EMC1: variants seen among roughly 807,000 people sequenced by gnomAD.
EMC1 encodes ER membrane protein complex subunit 1.
In EMC1, 103 loss-of-function variants were observed where a neutral mutation model predicts 128.8. The ratio of observed to expected loss-of-function variants is 0.80; its 90% confidence interval spans 0.68 to 0.94. The LOEUF (loss-of-function observed/expected upper bound fraction) is 0.94, where lower values mean the gene tolerates loss of function less well. EMC1 is among the 40% of genes least tolerant of loss of function. The pLI is 0.00. For missense variants in EMC1, 1,083 were observed against 1,250.6 expected, an observed-to-expected ratio of 0.87 and a Z score of 2.02; for synonymous variants, 442 against 490.4, an observed-to-expected ratio of 0.90 and a Z score of 1.30.
intron 20 of EMC1, chr1:19,221,635 C>CAAAAAA (rs34802728): frequency 1.5e-5 from 1 of 66,216 alleles, no homozygotes; most frequent in Admixed American, 1.8e-4. Context: ...GACTCTGTCT[C>CAAAAAA]AAAAAAAAAA....
intron 20 of EMC1, 114 bp downstream of exon 20, chr1:19,222,510 C>A: frequency 2.2e-6 from 2 of 916,298 alleles, no homozygotes; most frequent in East Asian, 2.6e-5. Flanking sequence ...TCCTCACCAC[C>A]TTTCCCTTAC....
At position 19,243,612 on chromosome 1, in the gene EMC1, AC is replaced by A. The variant is rs2151962465; in HGVS notation, c.380+1del. On this transcript the variant is annotated splice_donor_variant, in intron 4 of 22. Coordinates refer to ENST00000477853, the MANE Select transcript of EMC1 (RefSeq NM_015047.3). LOFTEE classifies it high-confidence loss of function. ...CAAGATAAAATCCAGTTTCTCCCCTACCTGCCACTGTCCAGGGTTATCTCCC... is the reference window on the plus strand; with the variant it reads ...CAAGATAAAATCCAGTTTCTCCCCTACTGCCACTGTCCAGGGTTATCTCCC... 1 of 1,611,810 alleles carries A rather than the reference AC, an allele frequency of 6.2e-7. No homozygotes were observed. Among genetic ancestry groups the A allele is most frequent in the Non-Finnish European group, 8.5e-7 (1 of 1,178,846 alleles).
intron 2 of EMC1, 109 bp downstream of exon 2, chr1:19,244,797 C>T: frequency 7.9e-7 from 1 of 1,260,094 alleles, no homozygotes; most frequent in Non-Finnish European, 1.1e-6. Flanking sequence ...CTAGGAGAGG[C>T]ATCTTTTGGC....
intron 17 of EMC1, chr1:19,229,344 T>C (rs1394129052): frequency 2.0e-5 from 3 of 152,200 alleles, no homozygotes; most frequent in Non-Finnish European, 2.9e-5. Flanking sequence ...TTTGAAAACA[T>C]AAGAACTCAC....
Position 19,219,071 on chromosome 1 carries a change from G to A in EMC1, c.*232C>T. On this transcript the variant is annotated 3_prime_UTR_variant, in exon 23 of 23. Coordinates refer to ENST00000477853, the MANE Select transcript of EMC1 (RefSeq NM_015047.3). The stretch of plus-strand genomic sequence containing the variant: ...TTGGACTTCAAGAGAAAGCCCATCA[G>A]GAATCTCTGAGAGTGTCAGCTGAGA... 1 of 483,664 alleles carries A rather than the reference G, an allele frequency of 2.1e-6. No homozygotes were observed. Among genetic ancestry groups the A allele is most frequent in the African/African-American group, 1.9e-5 (1 of 52,054 alleles). 30.0% of individuals were successfully genotyped at this position (483,664 alleles called of 1,614,324 possible). A position where few individuals can be genotyped will look rare whatever the true frequency, so the allele number is the denominator to read the frequency against.
chr1:19,229,854 A>C (rs763178873), intron 17 of EMC1, among the ~76,000 whole-genome samples: 1 of 152,210 alleles, frequency 6.6e-6, no homozygotes, highest in African/African-American at 2.4e-5. Flanking sequence ...CAGATAAGAA[A>C]ACAGAAGACC....
intron 15 of EMC1, 62 bp from the exon 16 acceptor site, chr1:19,231,484 C>T: frequency 1.3e-6 from 2 of 1,527,318 alleles, no homozygotes; most frequent in Non-Finnish European, 1.8e-6. Flanking sequence ...TAGGGATAGA[C>T]CTGAAGAGCT....
intron 17 of EMC1, chr1:19,229,249 T>C (rs2093502186): frequency 6.6e-6 from 1 of 152,214 alleles, no homozygotes; most frequent in African/African-American, 2.4e-5. Flanking sequence ...TGGACTCTTT[T>C]ACAATGAGAA....
At position 19,238,664 on chromosome 1, in the gene EMC1, A is replaced by G. The variant is rs2093584232; in HGVS notation, c.1089+131T>C. ...GATTAAGAGAAACATCATTTAATTTACAGTACTTAGGAAACCTCATTTGAA... is the reference window on the plus strand; with the variant it reads ...GATTAAGAGAAACATCATTTAATTTGCAGTACTTAGGAAACCTCATTTGAA... On this transcript the variant is annotated intron_variant, in intron 10 of 22. Transcript: ENST00000477853. 7 of 661,174 alleles carry G rather than the reference A, an allele frequency of 1.1e-5. No homozygotes were observed. In the East Asian group the frequency reaches 1.6e-4, roughly 15 times the overall value. The allele number at this position is 661,174 out of a possible 1,614,324, so 41.0% of individuals were successfully genotyped here.
At chr1:19,251,227 T>C (rs2093657750) in intron 1 of EMC1, among the ~76,000 whole-genome samples, 188 bp downstream of exon 1, 1 of 152,196 alleles carries the variant, frequency 6.6e-6, no homozygotes, top group African/African-American at 2.4e-5. Flanking sequence ...TAACACTTGG[T>C]TTAAGGCTCT....
chr1:19,220,645 T>G (rs901227093), intron 21 of EMC1, 119 bp downstream of exon 21: 3 of 710,302 alleles, frequency 4.2e-6, no homozygotes, highest in Non-Finnish European at 6.8e-6. Flanking sequence ...ACTTGCCCCC[T>G]GCTACATCCC....
chr1:19,224,248 T>A (rs1034253321), intron 18 of EMC1, among the ~76,000 whole-genome samples: 2 of 152,176 alleles, frequency 1.3e-5, no homozygotes, highest in African/African-American at 4.8e-5. Flanking sequence ...CTCAAGCCAA[T>A]CTCATGGCTT....
At chr1:19,240,852 T>C (rs183808870) in intron 6 of EMC1, 164 bp downstream of exon 6, 2 of 767,846 alleles carry the variant, frequency 2.6e-6, no homozygotes, top group East Asian at 2.5e-5. Context: ...ATGAGTACTT[T>C]AAATAGAGGC....
Position 19,232,759 on chromosome 1 carries a change from C to T in EMC1, c.1647G>A (p.Glu549=). 2 of 1,614,064 alleles carry T rather than the reference C, an allele frequency of 1.2e-6. No individual in the cohort carries two copies. The highest frequency in any genetic ancestry group is 1.6e-4 in the Middle Eastern group (1 of 6,062). ...VTASGKLFGI[E]SSSGTILWKQ... ...TCCACAGGATGGTGCCAGAGCTGCTCTCAATGCCAAAAAGCTGCAAGATAA... is the reference window on the plus strand; with the variant it reads ...TCCACAGGATGGTGCCAGAGCTGCTTTCAATGCCAAAAAGCTGCAAGATAA... The change falls in exon 15 of 23, where the codon GAG becomes GAA. Residue 549 remains glutamate, a synonymous_variant. Coordinates refer to ENST00000477853, the MANE Select transcript of EMC1 (RefSeq NM_015047.3).
At chr1:19,220,916 T>A (rs2093426633) in intron 20 of EMC1, 68 bp from the exon 21 acceptor site, 5 of 1,132,990 alleles carry the variant, frequency 4.4e-6, no homozygotes, top group Non-Finnish European at 5.2e-6. Context: ...AAAAATGTCA[T>A]TATTGCAGAC....
At chr1:19,232,091 G>A (rs181735687) in intron 15 of EMC1, among the ~76,000 whole-genome samples, 5 of 152,216 alleles carry the variant, frequency 3.3e-5, no homozygotes, top group East Asian at 1.9e-4. Flanking sequence ...GTGAGACCCT[G>A]TCTCTACTAA....
intron 17 of EMC1, among the ~76,000 whole-genome samples, chr1:19,230,469 C>T (rs1490722882): frequency 6.6e-6 from 1 of 152,172 alleles, no homozygotes; most frequent in Admixed American, 6.5e-5. Context: ...ACTTGGGTGT[C>T]TGAGGCAGGA....
chr1:19,241,524 G>GT (rs980291139), intron 5 of EMC1, among the ~76,000 whole-genome samples: 223 of 151,160 alleles, frequency 1.5e-3, no homozygotes, highest in Admixed American at 3.4e-3. Context: ...TCTTTGTTGT[G>GT]TTTTTTTTTA....
Position 19,230,903 on chromosome 1 carries a change from T to C in EMC1, c.2005A>G (p.Ile669Val), listed in dbSNP as rs2093516211. Residue 669 changes from isoleucine (I) to valine (V), a missense_variant, in exon 17 of 23, where the codon ATC becomes GTC. Physicochemically the swap from Ile to Val is conservative, Grantham distance 29. This residue lies in a region of EMC1 where 527 missense variants were observed against 644.1 expected (regional missense o/e 0.82). Transcript: ENST00000477853. ...TCTGCATCCACCAAATAGAAGAAGA[T>C]GGAAGGGGCAAGCTCATGTAGCTGT... ...LRQLHELAPS[I>V]FFYLVDAEQG... The C allele has an allele frequency of 5.6e-6, 9 of 1,614,130 alleles. No individual in the cohort carries two copies. Among genetic ancestry groups the C allele is most frequent in the Non-Finnish European group, 7.6e-6 (9 of 1,180,022 alleles).
Sources: allele counts gnomAD v4.1 joint callset (sites outside exome capture counted in the v4.1 genomes callset), GRCh38; gene constraint gnomAD v4.1.1; regional missense constraint gnomAD v4.1.1; transcripts MANE v1.5; gene names NCBI Gene and HGNC (gene_info 2026-07-23, HGNC 2026-07-21).